The following PARVG variants were observed in gnomAD, a reference collection of about 807,000 sequenced individuals.
PARVG encodes the protein gamma-parvin.
In PARVG, 36 loss-of-function variants were observed where a neutral mutation model predicts 44.4. The ratio of observed to expected loss-of-function variants is 0.81; its 90% CI spans 0.62 to 1.07. PARVG has a LOEUF of 1.07. Ranked by LOEUF, PARVG falls within the 50% of genes least tolerant of loss-of-function variation. The probability of loss-of-function intolerance (pLI) is 0.00; values close to 1 mark genes in which losing one functional copy is unlikely to be tolerated. For synonymous variants in PARVG, 170 were observed against 174.1 expected, an observed-to-expected ratio of 0.98 and a Z score of 0.19; for missense variants, 407 against 407.4, an observed-to-expected ratio of 1.00 and a Z score of 0.01.
At position 44,196,275 on chromosome 22, in the gene PARVG, C is replaced by T. The variant is rs909748698; in HGVS notation, c.642+62C>T. 27 of 1,613,222 alleles carry T rather than the reference C, an allele frequency of 1.7e-5. No individual in the cohort carries two copies. In the African/African-American group the frequency reaches 2.4e-4, roughly 14 times the overall value. On this transcript the variant is annotated intron_variant, in intron 10 of 13. Transcript: ENST00000444313. Reference sequence around the variant, plus strand: ...GCCCACCCCACCCACTGCCCACCTGCGCTGTAGGAGGGAATCACGGGTCCT... The same window carrying T: ...GCCCACCCCACCCACTGCCCACCTGTGCTGTAGGAGGGAATCACGGGTCCT...
At chr22:44,179,328 C>T (rs545171677), upstream of PARVG, among the ~76,000 whole-genome samples, 6 of 152,274 alleles carry the variant, frequency 3.9e-5, no homozygotes, top group Admixed American at 6.5e-5. This position sits in a 1 kb window ranked among gnomAD's most constrained non-coding sequence, Gnocchi z 4.2. Context: ...GATTAGATTT[C>T]GCATCTGATT....
chr22:44,187,782 A>T lies in PARVG; in HGVS notation c.151A>T (p.Met51Leu). 1 of 1,614,222 alleles carries T rather than the reference A, an allele frequency of 6.2e-7. No homozygotes were observed. The highest frequency in any genetic ancestry group is 8.5e-7 in the Non-Finnish European group (1 of 1,180,034). The change falls in exon 5 of 14, where the codon ATG becomes TTG. Residue 51 changes from methionine to leucine, a missense_variant. Transcript: ENST00000444313. ...PKFEELQKVL[M>L]EWINATLLPE... ...GTCCCCTTGGAGCCTGCAGGTGTTG[A>T]TGGAGTGGATCAATGCCACTCTTCT...
intron 12 of PARVG, among the ~76,000 whole-genome samples, chr22:44,201,748 C>T (rs1367156793): frequency 6.6e-6 from 1 of 152,206 alleles, no homozygotes; most frequent in Non-Finnish European, 1.5e-5. Flanking sequence ...GCTAGAGGCT[C>T]AGCTAGGCTT....
rs531265975 is a variant in PARVG at position 44,201,671 on chromosome 22, G to A, written c.813+2949G>A. 1.2e-4 allele frequency among the ~76,000 whole-genome samples: 19 copies of A among 152,316 alleles called. No individual in the cohort carries two copies. The South Asian group carries it at 2.1e-3, about 17-fold the overall frequency. ...AAACGTGCTGCTTAACAAACCACCCGAAAACCTAGGGGCTGAAAACCATGC... is the reference window on the plus strand; with the variant it reads ...AAACGTGCTGCTTAACAAACCACCCAAAAACCTAGGGGCTGAAAACCATGC... On this transcript the variant is annotated intron_variant, in intron 12 of 13. Coordinates refer to ENST00000444313, the MANE Select transcript of PARVG (RefSeq NM_022141.7).
intron 4 of PARVG, chr22:44,186,145 C>G: frequency 3.0e-6 from 1 of 331,158 alleles, no homozygotes; most frequent in Non-Finnish European, 6.0e-6. Flanking sequence ...TCCCTTACAT[C>G]CCGGGGACAG....
At chr22:44,176,164 C>G (rs146228959), upstream of PARVG, among the ~76,000 whole-genome samples, 1 of 152,320 alleles carries the variant, frequency 6.6e-6, no homozygotes, top group East Asian at 1.9e-4. Flanking sequence ...TCCCTGGTAT[C>G]CTCTGTGGAG....
At chr22:44,188,785 A>G (rs1041589881) in intron 5 of PARVG, 3 of 355,214 alleles carry the variant, frequency 8.4e-6, no homozygotes, top group Admixed American at 3.8e-5. Context: ...GATGAAGTGG[A>G]CACAGCTGTG....
intron 13 of PARVG, 57 bp from the exon 14 acceptor site, chr22:44,206,260 C>G: frequency 7.9e-7 from 1 of 1,258,510 alleles, no homozygotes; most frequent in Non-Finnish European, 1.2e-6. Flanking sequence ...CACATCGGGA[C>G]AGTCGGTCAC....
At chr22:44,194,986 C>T (rs2054599851) in intron 9 of PARVG, among the ~76,000 whole-genome samples, 1 of 152,202 alleles carries the variant, frequency 6.6e-6, no homozygotes, top group Admixed American at 6.5e-5. Context: ...CACTATTTTT[C>T]CTCCCTATAC....
rs181396155 is a variant in PARVG at position 44,199,655 on chromosome 22, T to C, written c.813+933T>C. 9.9e-5 allele frequency among the ~76,000 whole-genome samples: 15 copies of C among 152,268 alleles called. No homozygotes were observed. The East Asian group carries it at 2.7e-3, about 27-fold the overall frequency. ...GGGTCAGAGGAGGGGCCTGGAAGAATGAGGGCTTAGAATAATCTCAAGGAG... is the reference window on the plus strand; with the variant it reads ...GGGTCAGAGGAGGGGCCTGGAAGAACGAGGGCTTAGAATAATCTCAAGGAG... On this transcript the variant is annotated intron_variant, in intron 12 of 13. Transcript: ENST00000444313.
chr22:44,196,818 G>A (rs540969506), intron 11 of PARVG, among the ~76,000 whole-genome samples: 14 of 152,270 alleles, frequency 9.2e-5, no homozygotes, highest in African/African-American at 2.9e-4. Flanking sequence ...CAGCCCAGCC[G>A]TCTGCAGGCT....
chr22:44,181,649 G>C, intron 1 of PARVG, 93 bp from the exon 2 acceptor site: 5 of 928,802 alleles, frequency 5.4e-6, no homozygotes, highest in Non-Finnish European at 6.4e-6. Flanking sequence ...GGCCCAGGCG[G>C]CACGGCGGGC....
chr22:44,177,026 C>A (rs999319715), upstream of PARVG, among the ~76,000 whole-genome samples: 1 of 152,102 alleles, frequency 6.6e-6, no homozygotes, highest in East Asian at 1.9e-4. Flanking sequence ...TCTCATGACA[C>A]GTGGGGATTA....
chr22:44,178,503 A>G (rs2054339212), upstream of PARVG, among the ~76,000 whole-genome samples: 1 of 152,240 alleles, frequency 6.6e-6, no homozygotes, highest in African/African-American at 2.4e-5. Flanking sequence ...TCTTAAAGAA[A>G]TGCAACAAAA....
chr22:44,198,019 A>G (rs2054641155), intron 11 of PARVG, among the ~76,000 whole-genome samples: 1 of 152,222 alleles, frequency 6.6e-6, no homozygotes, highest in Non-Finnish European at 1.5e-5. Flanking sequence ...TGTATTACCA[A>G]GGAATAGCAG....
intron 9 of PARVG, among the ~76,000 whole-genome samples, chr22:44,194,320 C>T (rs1480642361): frequency 6.6e-6 from 1 of 152,244 alleles, no homozygotes; most frequent in African/African-American, 2.4e-5. Context: ...TCTGACAGAG[C>T]TGTTCACCAA....
At chr22:44,203,524 C>T (rs1308417652) in intron 12 of PARVG, among the ~76,000 whole-genome samples, 1 of 152,208 alleles carries the variant, frequency 6.6e-6, no homozygotes, top group African/African-American at 2.4e-5. Flanking sequence ...GAGATGCTGG[C>T]TCGCTGAATG....
chr22:44,173,645 C>T (rs1236444050), intron 1 of PARVG, among the ~76,000 whole-genome samples: 4 of 152,178 alleles, frequency 2.6e-5, no homozygotes, highest in Non-Finnish European at 5.9e-5. Context: ...ACCGTGACTG[C>T]GGGGAGCGAA....
intron 3 of PARVG, chr22:44,184,227 T>G (rs1224732438): frequency 6.6e-6 from 1 of 152,306 alleles, no homozygotes; most frequent in Non-Finnish European, 1.5e-5. Context: ...GGAATTTATG[T>G]AACCACAAAA....
Sources: gnomAD v4.1 joint callset for allele counts (sites outside exome capture counted in the v4.1 genomes callset) on GRCh38, gnomAD v4.1.1 for gene constraint, Gnocchi (gnomAD v3.1) non-coding constraint, MANE v1.5 for transcripts, NCBI Gene and HGNC (gene_info 2026-07-23, HGNC 2026-07-21) for gene names.